The following CAST variants were observed in gnomAD, a reference collection of about 807,000 sequenced individuals.
The protein encoded by CAST is calpastatin.
Under a neutral mutation model 119.6 loss-of-function variants are expected in CAST, and 76 were observed. That is an observed-to-expected ratio of 0.64 (90% CI 0.53 to 0.77). The LOEUF is 0.77. CAST is among the 30% of genes least tolerant of loss of function. CAST has a pLI of 0.00. For missense variants in CAST, 953 were observed against 946.5 expected, an observed-to-expected ratio of 1.01 and a Z score of -0.09; for synonymous variants, 319 against 331.6, an observed-to-expected ratio of 0.96 and a Z score of 0.41.
At chr5:96,732,620 G>A (rs369011812) in intron 9 of CAST, among the ~76,000 whole-genome samples, 19 of 151,972 alleles carry the variant, frequency 1.3e-4, no homozygotes, top group African/African-American at 4.6e-4. Flanking sequence ...TTTCTTCTAG[G>A]GTTTTTATGG....
At chr5:96,486,713 C>T in the CAST span, among the ~76,000 whole-genome samples, 1 of 144,596 alleles carries the variant, frequency 6.9e-6, no homozygotes, top group Non-Finnish European at 1.5e-5. Flanking sequence ...GTTGGGGGGG[C>T]AGATTCTGCC....
intron 2 of CAST, among the ~76,000 whole-genome samples, chr5:96,677,873 C>T (rs1053681126): frequency 3.3e-5 from 5 of 152,250 alleles, no homozygotes; most frequent in Admixed American, 3.3e-4. Context: ...TAAATTCTGC[C>T]TGTATGTATT....
At chr5:96,010,061 A>G in the CAST span, among the ~76,000 whole-genome samples, 1 of 152,074 alleles carries the variant, frequency 6.6e-6, no homozygotes, top group Non-Finnish European at 1.5e-5. Context: ...TCCTTTCCCC[A>G]TTGCTTGTTT....
At chr5:96,088,492 A>G in the CAST span, among the ~76,000 whole-genome samples, 1 of 152,190 alleles carries the variant, frequency 6.6e-6, no homozygotes, top group Non-Finnish European at 1.5e-5. Flanking sequence ...CAATGAGAGA[A>G]TGTGTGGCGG....
the CAST span, among the ~76,000 whole-genome samples, chr5:96,251,798 C>A: frequency 6.6e-6 from 1 of 152,068 alleles, no homozygotes. Flanking sequence ...CCCCAAAAAT[C>A]CTAGAGAAGA....
Position 96,772,781 on chromosome 5 carries a change from T to G in CAST, c.*165T>G, listed in dbSNP as rs1772933743. 1 of 152,810 alleles carries G rather than the reference T, an allele frequency of 6.5e-6. No individual in the cohort carries two copies. Among genetic ancestry groups the G allele is most frequent in the South Asian group, 2.1e-4 (1 of 4,830 alleles). The allele number at this position is 152,810 out of a possible 1,614,324, so 9.5% of individuals were successfully genotyped here. A position where few individuals can be genotyped will look rare whatever the true frequency, so the allele number is the denominator to read the frequency against. Reference sequence around the variant, plus strand: ...AACATCCTAAATATTGGTTTGTTATTCTTTTCCAGAAAGAAAATGAATTTG... The same window carrying G: ...AACATCCTAAATATTGGTTTGTTATGCTTTTCCAGAAAGAAAATGAATTTG... On this transcript the variant is annotated 3_prime_UTR_variant, in exon 32 of 32. Transcript: ENST00000675179.
the CAST span, among the ~76,000 whole-genome samples, chr5:96,385,760 A>C: frequency 6.6e-6 from 1 of 152,236 alleles, no homozygotes; most frequent in South Asian, 2.1e-4. Context: ...ATGTATATTA[A>C]TGCTATTGCC....
intron 1 of CAST, among the ~76,000 whole-genome samples, chr5:96,581,973 A>T (rs261239): frequency 0.84 from 128,372 of 152,200 alleles, 54,413 homozygotes; most frequent in East Asian, 1. Flanking sequence ...ACATGCAATA[A>T]AAGAGAACTT....
the CAST span, among the ~76,000 whole-genome samples, chr5:96,355,051 T>C: frequency 6.6e-6 from 1 of 152,176 alleles, no homozygotes; most frequent in Non-Finnish European, 1.5e-5. Context: ...CAGGGATACA[T>C]GTGCAGAACG....
At chr5:95,970,095 A>C in the CAST span, 1 of 152,238 alleles carries the variant, frequency 6.6e-6, no homozygotes, top group African/African-American at 2.4e-5. Context: ...TAGTGATAAC[A>C]TCACTCTAAG....
At chr5:96,393,453 C>G in the CAST span, 1 of 1,552,066 alleles carries the variant, frequency 6.4e-7, no homozygotes, top group South Asian at 1.1e-5. Context: ...TGCAACCCTA[C>G]CACAGGAACG....
chr5:96,455,446 A>T, the CAST span, among the ~76,000 whole-genome samples: 1 of 152,372 alleles, frequency 6.6e-6, no homozygotes, highest in South Asian at 2.1e-4. Context: ...CAAGATACAG[A>T]TAATAAACCT....
At chr5:96,395,695 A>T in the CAST span, among the ~76,000 whole-genome samples, 1 of 152,170 alleles carries the variant, frequency 6.6e-6, no homozygotes, top group African/African-American at 2.4e-5. Context: ...AATGTAGATG[A>T]TGGGTTGATG....
the CAST span, among the ~76,000 whole-genome samples, chr5:96,021,604 C>T: frequency 6.6e-6 from 1 of 152,092 alleles, no homozygotes; most frequent in Non-Finnish European, 1.5e-5. Flanking sequence ...CGCCACCACG[C>T]CCAGCTAATT....
the CAST span, chr5:96,429,253 C>G: frequency 1.9e-6 from 3 of 1,603,000 alleles, no homozygotes; most frequent in Non-Finnish European, 2.6e-6. Context: ...ATGAAAGGCA[C>G]TCCTTCGAGA....
At chr5:96,539,588 T>C (rs541875889) in intron 1 of CAST, among the ~76,000 whole-genome samples, 2 of 152,284 alleles carry the variant, frequency 1.3e-5, no homozygotes, top group African/African-American at 4.8e-5. Flanking sequence ...ATGTCATGTA[T>C]CCATCATAAT....
chr5:96,195,490 T>A, the CAST span, among the ~76,000 whole-genome samples: 1 of 152,204 alleles, frequency 6.6e-6, no homozygotes, highest in Admixed American at 6.5e-5. Flanking sequence ...CTGCAATATC[T>A]TGAAGTATCT....
In CAST at chr5:96,695,854, G is replaced by A. The variant is rs199633496; in HGVS notation, c.157G>A (p.Gly53Ser). The change falls in exon 3 of 32, where the codon GGC (glycine) becomes AGC (serine). Residue 53 changes from glycine to serine, a missense_variant. Physicochemically the swap from Gly to Ser is moderately conservative, Grantham distance 56. Coordinates refer to ENST00000675179, the MANE Select transcript of CAST (RefSeq NM_001750.7). Reference sequence around the variant, plus strand: ...TTTCAAGAAAAAAGCAGCAAGCCTCGGCAGCAGTCAATCCTCCAGAACCTA... The same window carrying A: ...TTTCAAGAAAAAAGCAGCAAGCCTCAGCAGCAGTCAATCCTCCAGAACCTA... ...GSDEKKAASLGSSQSSRTYAG... is the reference protein window; with the variant it reads ...GSDEKKAASLSSSQSSRTYAG... 1.6e-4 allele frequency: 264 copies of A among 1,612,370 alleles called. No homozygotes were observed. The highest frequency in any genetic ancestry group is 2.1e-4 in the Non-Finnish European group (242 of 1,178,952).
At chr5:96,510,143 T>C in the CAST span, among the ~76,000 whole-genome samples, 652 of 152,358 alleles carry the variant, frequency 4.3e-3, 9 homozygotes, top group African/African-American at 0.015. Flanking sequence ...TAAATTAGTC[T>C]TCTGGGAAGT....
Sources: allele counts gnomAD v4.1 joint callset (sites outside exome capture counted in the v4.1 genomes callset), GRCh38; gene constraint gnomAD v4.1.1; transcripts MANE v1.5; gene names NCBI Gene and HGNC (gene_info 2026-07-23, HGNC 2026-07-21).